The following SUMF1 variants were observed in gnomAD, a reference collection of about 807,000 sequenced individuals.
The protein encoded by SUMF1 is formylglycine-generating enzyme.
Under a neutral mutation model 47.6 loss-of-function variants are expected in SUMF1, and 48 were observed. The observed-to-expected ratio is 1.01, with a 90% CI of 0.80 to 1.28. The LOEUF (loss-of-function observed/expected upper bound fraction) is 1.28, where lower values mean the gene tolerates loss of function less well. SUMF1 is among the 50% of genes most tolerant of loss of function. The probability of loss-of-function intolerance (pLI) is 0.00; values close to 1 mark genes in which losing one functional copy is unlikely to be tolerated. For missense variants in SUMF1, 571 were observed against 485.4 expected, an observed-to-expected ratio of 1.18 and a Z score of -1.66; for synonymous variants, 230 against 192.1, an observed-to-expected ratio of 1.20 and a Z score of -1.63.
intron 8 of SUMF1, among the ~76,000 whole-genome samples, chr3:4,110,750 A>G (rs1054005620): frequency 6.7e-6 from 1 of 149,798 alleles, no homozygotes; most frequent in African/African-American, 2.5e-5. Context: ...AGGACAAAAA[A>G]CCAAACACCG....
chr3:4,073,321 A>G (rs375767829), intron 8 of SUMF1, among the ~76,000 whole-genome samples: 9 of 152,214 alleles, frequency 5.9e-5, no homozygotes, highest in Non-Finnish European at 1.2e-4. Context: ...GCCTTACAAG[A>G]GCTCCTAAAG....
At chr3:4,275,690 G>A (rs566607552) in intron 8 of SUMF1, among the ~76,000 whole-genome samples, 1 of 152,306 alleles carries the variant, frequency 6.6e-6, no homozygotes, top group African/African-American at 2.4e-5. Context: ...GGGGAGAAGA[G>A]ATGGATGTTT....
intron 7 of SUMF1, among the ~76,000 whole-genome samples, chr3:4,398,360 T>C (rs1023580017): frequency 1.3e-5 from 2 of 151,960 alleles, no homozygotes; most frequent in African/African-American, 4.8e-5. Context: ...CGTGTGGATA[T>C]GCATATTCCT....
intron 8 of SUMF1, among the ~76,000 whole-genome samples, chr3:4,179,905 A>G (rs1451629791): frequency 6.6e-6 from 1 of 152,246 alleles, no homozygotes; most frequent in African/African-American, 2.4e-5. Flanking sequence ...ACACTTCTCA[A>G]AAGAAGACAT....
At chr3:4,290,089 G>C (rs1431794101) in intron 8 of SUMF1, among the ~76,000 whole-genome samples, 1 of 152,154 alleles carries the variant, frequency 6.6e-6, no homozygotes, top group African/African-American at 2.4e-5. Context: ...AATTATGCTG[G>C]GTTGGTTTTT....
chr3:4,170,427 G>A (rs1366770196), intron 8 of SUMF1, among the ~76,000 whole-genome samples: 1 of 152,160 alleles, frequency 6.6e-6, no homozygotes, highest in Non-Finnish European at 1.5e-5. Context: ...GCCACACTTT[G>A]AGAACTGCCG....
chr3:4,190,891 G>A (rs1205083890), intron 8 of SUMF1, among the ~76,000 whole-genome samples: 1 of 152,136 alleles, frequency 6.6e-6, no homozygotes, highest in Non-Finnish European at 1.5e-5. Flanking sequence ...TATAATCGGG[G>A]TGCTAGGAAA....
At chr3:4,087,173 G>A (rs1362014701) in intron 8 of SUMF1, among the ~76,000 whole-genome samples, 1 of 152,152 alleles carries the variant, frequency 6.6e-6, no homozygotes, top group Non-Finnish European at 1.5e-5. Context: ...GCCAACGTGG[G>A]GTAGTGAGAA....
chr3:4,360,397 G>A (rs1687895), downstream of SUMF1, among the ~76,000 whole-genome samples: 54,725 of 150,758 alleles, frequency 0.36, 11,134 homozygotes, highest in South Asian at 0.54. Flanking sequence ...GCGCGATCTC[G>A]GCTCACTGCA....
chr3:4,302,070 G>C (rs1482756524), intron 8 of SUMF1, among the ~76,000 whole-genome samples: 1 of 152,190 alleles, frequency 6.6e-6, no homozygotes, highest in Non-Finnish European at 1.5e-5. Flanking sequence ...AGGCCAATGG[G>C]ACCTCAGAAG....
At chr3:4,101,195 T>C (rs1238346287) in intron 8 of SUMF1, among the ~76,000 whole-genome samples, 4 of 152,138 alleles carry the variant, frequency 2.6e-5, no homozygotes, top group Non-Finnish European at 5.9e-5. Flanking sequence ...TACATTTTCA[T>C]GTTCATTGAA....
At chr3:4,184,633 A>C (rs1013080835) in intron 8 of SUMF1, among the ~76,000 whole-genome samples, 4 of 146,710 alleles carry the variant, frequency 2.7e-5, no homozygotes, top group Admixed American at 1.4e-4. Flanking sequence ...ATATATTTAC[A>C]GAAAACAATT....
chr3:4,148,442 C>A lies in SUMF1; in HGVS notation c.1015-79697G>T, dbSNP rs546012306. ...CAGATGAGCTATTTCCTCAGAATCA[C>A]CTAGAAAACTCCTACCTCACAAGAA... On this transcript the variant is annotated intron_variant and NMD_transcript_variant, in intron 8 of 12. Coordinates refer to the SUMF1 transcript ENST00000448413. Among the ~76,000 whole-genome samples, 3 of 152,232 alleles carry A rather than the reference C, an allele frequency of 2.0e-5. 1 individual carries two copies. The South Asian group carries it at 6.2e-4, about 32-fold the overall frequency.
At chr3:4,035,354 G>T (rs1694773876) in intron 9 of SUMF1, among the ~76,000 whole-genome samples, 1 of 152,066 alleles carries the variant, frequency 6.6e-6, no homozygotes, top group East Asian at 1.9e-4. Context: ...GTAGCTCCAG[G>T]CCATCATTGG....
At chr3:4,303,219 A>G in intron 8 of SUMF1, 1 of 744,260 alleles carries the variant, frequency 1.3e-6, no homozygotes, top group Admixed American at 4.2e-5. Context: ...CCAGACCCAA[A>G]AAGTCAAGGA....
At chr3:4,424,631 A>T (rs544996566) in intron 3 of SUMF1, among the ~76,000 whole-genome samples, 4 of 152,206 alleles carry the variant, frequency 2.6e-5, no homozygotes, top group African/African-American at 9.6e-5. Flanking sequence ...CTTGGTGTCC[A>T]TGAAAAAAGG....
chr3:4,351,717 C>G (rs1335033284), intron 8 of SUMF1, among the ~76,000 whole-genome samples: 1 of 152,084 alleles, frequency 6.6e-6, no homozygotes, highest in Non-Finnish European at 1.5e-5. Context: ...GTGATGGAAA[C>G]ACGTCTTTCA....
chr3:4,360,470 C>A (rs1474531398), downstream of SUMF1, among the ~76,000 whole-genome samples: 1 of 152,038 alleles, frequency 6.6e-6, no homozygotes, highest in East Asian at 1.9e-4. Flanking sequence ...GGACTACAGG[C>A]AAGTGTCACC....
intron 8 of SUMF1, among the ~76,000 whole-genome samples, chr3:4,185,262 A>C (rs73120445): frequency 8.6e-4 from 131 of 152,304 alleles, no homozygotes; most frequent in African/African-American, 3.1e-3. Context: ...ATCCCATCTT[A>C]ATATAGAGAA....
Sources: allele counts gnomAD v4.1 joint callset (sites outside exome capture counted in the v4.1 genomes callset), GRCh38; gene constraint gnomAD v4.1.1; transcripts MANE v1.5; gene names NCBI Gene and HGNC (gene_info 2026-07-23, HGNC 2026-07-21).